SHTN1: variants seen among roughly 807,000 people sequenced by gnomAD.
SHTN1 encodes the protein shootin 1.
SHTN1 carries 42 observed loss-of-function variants against 83.1 expected under a neutral mutation model. The ratio of observed to expected loss-of-function variants is 0.51; its 90% CI spans 0.39 to 0.65. The LOEUF (loss-of-function observed/expected upper bound fraction) is 0.65. Ranked by LOEUF, SHTN1 falls within the 30% of genes least tolerant of loss-of-function variation. The probability of loss-of-function intolerance (pLI) is 0.00; values close to 1 mark genes in which losing one functional copy is unlikely to be tolerated. For synonymous variants in SHTN1, 224 were observed against 247.7 expected, an observed-to-expected ratio of 0.90 and a Z score of 0.90; for missense variants, 622 against 737.8, an observed-to-expected ratio of 0.84 and a Z score of 1.82.
chr10:116,902,716 G>A (rs1357650137), intron 15 of SHTN1, among the ~76,000 whole-genome samples: 1 of 152,194 alleles, frequency 6.6e-6, no homozygotes, highest in Non-Finnish European at 1.5e-5. Flanking sequence ...TGAAACTTCA[G>A]AAGGAATGCT....
chr10:117,029,901 T>C (rs1852385743), intron 2 of SHTN1, among the ~76,000 whole-genome samples: 2 of 150,944 alleles, frequency 1.3e-5, no homozygotes, highest in South Asian at 4.2e-4. Flanking sequence ...TTTCTTTTTT[T>C]TTTTTTTTGT....
chr10:116,907,163 G>T (rs896857835), intron 14 of SHTN1, among the ~76,000 whole-genome samples: 2 of 152,124 alleles, frequency 1.3e-5, no homozygotes, highest in Admixed American at 6.5e-5. Flanking sequence ...AAGTCACAGC[G>T]GCACTGAAAA....
chr10:117,046,399 A>T (rs1852664920), intron 2 of SHTN1, among the ~76,000 whole-genome samples: 1 of 152,206 alleles, frequency 6.6e-6, no homozygotes, highest in African/African-American at 2.4e-5. Flanking sequence ...ATGTGGAGAA[A>T]TTGGAAGCAT....
intron 2 of SHTN1, chr10:116,973,824 G>A: frequency 8.3e-7 from 1 of 1,203,872 alleles, no homozygotes; most frequent in East Asian, 5.8e-5. Context: ...AACATGCCCA[G>A]CATCAGAATT....
At chr10:116,965,210 C>T (rs1589850187) in intron 3 of SHTN1, among the ~76,000 whole-genome samples, 1 of 152,070 alleles carries the variant, frequency 6.6e-6, no homozygotes, top group Non-Finnish European at 1.5e-5. Context: ...TTTCCTAACC[C>T]TTAGTCAGCT....
chr10:116,990,739 C>T lies in SHTN1; in HGVS notation c.59-11431G>A, dbSNP rs549475549. 2.1e-4 allele frequency among the ~76,000 whole-genome samples: 32 copies of T among 152,144 alleles called. No individual in the cohort carries two copies. In the South Asian group the frequency reaches 6.3e-3, roughly 30 times the overall value. ...GGGCAGCTTTTGTTTTTCTGTTTGT[C>T]TTAGTGACTCCTGTCTCTTTTTGTC... On this transcript the variant is annotated intron_variant, in intron 1 of 16. Transcript: ENST00000355371.
chr10:117,108,656 T>C (rs964520633), intron 1 of SHTN1, among the ~76,000 whole-genome samples: 6 of 151,626 alleles, frequency 4.0e-5, no homozygotes, highest in Admixed American at 2.6e-4. Context: ...TGTATACATA[T>C]GTAACAAACC....
chr10:116,919,867 TACGAG>T (rs903707561), intron 12 of SHTN1, among the ~76,000 whole-genome samples: 2 of 12,184 alleles, frequency 1.6e-4, no homozygotes, highest in Admixed American at 2.6e-3. Context: ...AGCCAATTCT[TACGAG>T]AGAAAATCAG....
At chr10:117,001,663 A>AT (rs890819618) in intron 1 of SHTN1, among the ~76,000 whole-genome samples, 2 of 152,200 alleles carry the variant, frequency 1.3e-5, no homozygotes, top group African/African-American at 4.8e-5. Flanking sequence ...AAGTTTTAAC[A>AT]TTTTGATAGC....
intron 2 of SHTN1, among the ~76,000 whole-genome samples, chr10:117,013,656 T>C (rs1852138937): frequency 6.6e-6 from 1 of 152,206 alleles, no homozygotes; most frequent in Non-Finnish European, 1.5e-5. Flanking sequence ...CCCTCTTTAA[T>C]TGCAGGTAGC....
At chr10:116,979,463 A>G (rs948133390) in intron 1 of SHTN1, among the ~76,000 whole-genome samples, 155 bp from the exon 2 acceptor site, 106 of 152,176 alleles carry the variant, frequency 7.0e-4, no homozygotes, top group African/African-American at 2.5e-3. Context: ...TATTTTTTTT[A>G]TTTTGTAGAG....
chr10:117,098,705 C>CT (rs946847040), intron 1 of SHTN1, among the ~76,000 whole-genome samples: 3 of 152,094 alleles, frequency 2.0e-5, no homozygotes, highest in Non-Finnish European at 4.4e-5. Context: ...TTATTTGCCA[C>CT]TTAGCAAATA....
intron 2 of SHTN1, chr10:117,023,576 A>T (rs1852291339): frequency 6.6e-6 from 1 of 152,666 alleles, no homozygotes; most frequent in Admixed American, 6.5e-5. Flanking sequence ...AAGTTTTAGA[A>T]CAAGGCAGAA....
chr10:117,124,950 G>A (rs1853982004), intron 1 of SHTN1, among the ~76,000 whole-genome samples: 1 of 152,060 alleles, frequency 6.6e-6, no homozygotes, highest in Non-Finnish European at 1.5e-5. Flanking sequence ...TACCTGCTGC[G>A]GGAACCTTGC....
intron 1 of SHTN1, among the ~76,000 whole-genome samples, chr10:116,985,528 G>A (rs1024766091): frequency 3.9e-5 from 6 of 152,196 alleles, no homozygotes; most frequent in South Asian, 4.1e-4. Context: ...TTTGATAAAC[G>A]TGTTAAATTA....
chr10:116,988,761 T>C (rs1851313137), intron 1 of SHTN1, among the ~76,000 whole-genome samples: 1 of 151,990 alleles, frequency 6.6e-6, no homozygotes, highest in Non-Finnish European at 1.5e-5. Context: ...AGGCTGGTTG[T>C]ACTCGTGGCC....
At chr10:117,005,262 C>G, upstream of SHTN1, 1 of 1,445,158 alleles carries the variant, frequency 6.9e-7, no homozygotes, top group Non-Finnish European at 9.1e-7. Context: ...CGCACCTACT[C>G]GGCGGCTGCG....
chr10:116,886,587 C>T, intron 16 of SHTN1, 21 bp from the exon 17 acceptor site: 3 of 1,607,672 alleles, frequency 1.9e-6, no homozygotes, highest in Non-Finnish European at 1.7e-6. Flanking sequence ...AAGAGTTAGA[C>T]AAAAAAAGTA....
chr10:117,091,255 C>T (rs1853426447), intron 1 of SHTN1, among the ~76,000 whole-genome samples: 1 of 152,194 alleles, frequency 6.6e-6, no homozygotes. Flanking sequence ...GTTCCAAATA[C>T]TTTACATGGA....
Sources: gnomAD v4.1 joint callset for allele counts (sites outside exome capture counted in the v4.1 genomes callset) on GRCh38, gnomAD v4.1.1 for gene constraint, MANE v1.5 for transcripts, NCBI Gene and HGNC (gene_info 2026-07-23, HGNC 2026-07-21) for gene names.